The following UNC5D variants were observed in gnomAD, a reference collection of about 807,000 sequenced individuals.
UNC5D encodes the protein unc-5 netrin receptor D.
In UNC5D, 39 loss-of-function variants were observed where a neutral mutation model predicts 105.4. The observed-to-expected ratio is 0.37, with a 90% CI of 0.29 to 0.48. The LOEUF (loss-of-function observed/expected upper bound fraction) is 0.48. UNC5D is among the 20% of genes least tolerant of loss of function. The probability of loss-of-function intolerance (pLI) is 0.98; values close to 1 mark genes in which losing one functional copy is unlikely to be tolerated. For missense variants in UNC5D, 991 were observed against 1,202.4 expected, an observed-to-expected ratio of 0.82 and a Z score of 2.60; for synonymous variants, 452 against 450.4, an observed-to-expected ratio of 1.00 and a Z score of -0.04.
At chr8:35,451,036 A>G (rs1159047678) in intron 1 of UNC5D, among the ~76,000 whole-genome samples, 1 of 125,092 alleles carries the variant, frequency 8.0e-6, no homozygotes, top group Non-Finnish European at 1.6e-5. Context: ...ATCTATAATA[A>G]TAATCTTTTT....
At chr8:35,382,719 A>G (rs1356565984) in intron 1 of UNC5D, among the ~76,000 whole-genome samples, 1 of 152,192 alleles carries the variant, frequency 6.6e-6, no homozygotes, top group Non-Finnish European at 1.5e-5. Flanking sequence ...CTGCTGTCAT[A>G]TCTCAAGAAG....
chr8:35,511,390 T>G (rs1812686700), intron 1 of UNC5D, among the ~76,000 whole-genome samples: 1 of 151,102 alleles, frequency 6.6e-6, no homozygotes, highest in Admixed American at 6.6e-5. Context: ...TCCTAGCCAC[T>G]TAGGAGGCTC....
intron 16 of UNC5D, among the ~76,000 whole-genome samples, chr8:35,788,019 CAAAAAG>C (rs1802828814): frequency 6.6e-6 from 1 of 151,952 alleles, no homozygotes. Flanking sequence ...GAAAGAAAAA[CAAAAAG>C]AAAAACTAGA....
chr8:35,248,055 A>G (rs1297469392), intron 1 of UNC5D, among the ~76,000 whole-genome samples: 9 of 63,396 alleles, frequency 1.4e-4, no homozygotes, highest in African/African-American at 5.4e-4. Context: ...TATATATAAT[A>G]TATAAATATA....
At chr8:35,355,911 C>T (rs372246002) in intron 1 of UNC5D, among the ~76,000 whole-genome samples, 4 of 152,176 alleles carry the variant, frequency 2.6e-5, no homozygotes, top group East Asian at 3.9e-4. Flanking sequence ...AGATGGGGCC[C>T]TCACCAGACA....
chr8:35,424,697 A>T (rs1021016142), intron 1 of UNC5D, among the ~76,000 whole-genome samples: 2 of 152,200 alleles, frequency 1.3e-5, no homozygotes, highest in South Asian at 4.1e-4. Flanking sequence ...CTACACACTC[A>T]TCTCTATAGT....
chr8:35,448,992 C>G (rs1807974951), intron 1 of UNC5D, among the ~76,000 whole-genome samples: 1 of 152,024 alleles, frequency 6.6e-6, no homozygotes, highest in Non-Finnish European at 1.5e-5. Flanking sequence ...AGGGCAAGAA[C>G]CAAATCTGTT....
At chr8:35,551,944 G>A (rs1224744533) in intron 2 of UNC5D, among the ~76,000 whole-genome samples, 1 of 152,118 alleles carries the variant, frequency 6.6e-6, no homozygotes, top group East Asian at 1.9e-4. Context: ...AAAGAGAAGG[G>A]CGAAGGACTA....
chr8:35,539,458 A>G, intron 1 of UNC5D, among the ~76,000 whole-genome samples: 1 of 152,210 alleles, frequency 6.6e-6, no homozygotes, highest in East Asian at 1.9e-4. Context: ...ATAATAACAC[A>G]AAAGTTAGTT....
intron 1 of UNC5D, among the ~76,000 whole-genome samples, chr8:35,442,937 A>ACAC (rs1807534143): frequency 7.5e-6 from 1 of 133,592 alleles, no homozygotes; most frequent in African/African-American, 2.9e-5. Flanking sequence ...CACACACACA[A>ACAC]CACACACACA....
chr8:35,275,126 T>C (rs902238163), intron 1 of UNC5D, among the ~76,000 whole-genome samples: 2 of 141,426 alleles, frequency 1.4e-5, no homozygotes, highest in Admixed American at 7.1e-5. Context: ...AAATATATAT[T>C]TTTATATATA....
At chr8:35,603,303 C>T (rs1481768598) in intron 4 of UNC5D, among the ~76,000 whole-genome samples, 3 of 152,098 alleles carry the variant, frequency 2.0e-5, no homozygotes, top group Non-Finnish European at 4.4e-5. Context: ...ATTATGTACC[C>T]AGTAGTCATT....
chr8:35,533,912 C>G (rs113429321), intron 1 of UNC5D, among the ~76,000 whole-genome samples: 3 of 152,184 alleles, frequency 2.0e-5, no homozygotes, highest in East Asian at 1.9e-4. Context: ...GGCTTGCGCA[C>G]GGTGCGCGCA....
intron 1 of UNC5D, among the ~76,000 whole-genome samples, chr8:35,368,172 C>A (rs538767107): frequency 3.9e-5 from 6 of 152,266 alleles, no homozygotes; most frequent in African/African-American, 1.4e-4. Context: ...AAAACATTAT[C>A]TTGGTTAATT....
intron 1 of UNC5D, among the ~76,000 whole-genome samples, chr8:35,277,352 A>G (rs1353123299): frequency 6.6e-6 from 1 of 152,158 alleles, no homozygotes; most frequent in African/African-American, 2.4e-5. Flanking sequence ...AGGCTAGTAC[A>G]TGGATTGTGC....
chr8:35,431,463 C>T (rs1442187603), intron 1 of UNC5D, among the ~76,000 whole-genome samples: 1 of 152,060 alleles, frequency 6.6e-6, no homozygotes, highest in African/African-American at 2.4e-5. Flanking sequence ...ATGATCTTTA[C>T]CATTATTTTC....
chr8:35,325,410 G>C (rs1473964641), intron 1 of UNC5D, among the ~76,000 whole-genome samples: 1 of 152,142 alleles, frequency 6.6e-6, no homozygotes, highest in South Asian at 2.1e-4. Flanking sequence ...TCAGTGCATA[G>C]ACAAGGCAGG....
chr8:35,741,249 G>A (rs1829744399), intron 11 of UNC5D, among the ~76,000 whole-genome samples: 1 of 152,074 alleles, frequency 6.6e-6, no homozygotes, highest in Admixed American at 6.6e-5. Context: ...ATGCAAACAG[G>A]GTAATCTCTC....
chr8:35,450,318 G>T (rs1168588161), intron 1 of UNC5D, among the ~76,000 whole-genome samples: 6 of 152,124 alleles, frequency 3.9e-5, no homozygotes, highest in African/African-American at 1.4e-4. Flanking sequence ...TGAGTTACTG[G>T]TCTTCTATCA....
Sources: allele counts gnomAD v4.1 joint callset (sites outside exome capture counted in the v4.1 genomes callset), GRCh38; gene constraint gnomAD v4.1.1; transcripts MANE v1.5; gene names NCBI Gene and HGNC (gene_info 2026-07-23, HGNC 2026-07-21).